FRRS1: variants seen among roughly 807,000 people sequenced by gnomAD.
FRRS1 encodes ferric reductase 1.
Under a neutral mutation model 70.7 loss-of-function variants are expected in FRRS1, and 51 were observed. The observed-to-expected ratio is 0.72, with a 90% CI of 0.58 to 0.91. The LOEUF (loss-of-function observed/expected upper bound fraction) is 0.91. Ranked by LOEUF, FRRS1 falls within the 40% of genes least tolerant of loss-of-function variation. The pLI is 0.00. For missense variants in FRRS1, 672 were observed against 726.0 expected, an observed-to-expected ratio of 0.93 and a Z score of 0.86; for synonymous variants, 225 against 238.7, an observed-to-expected ratio of 0.94 and a Z score of 0.53.
Position 99,748,590 on chromosome 1 carries a change from G to C in FRRS1, c.179C>G (p.Pro60Arg), listed in dbSNP as rs754329058. 14 of 1,613,516 alleles carry C rather than the reference G, an allele frequency of 8.7e-6. No individual in the cohort carries two copies. The African/African-American group carries it at 1.9e-4, about 22-fold the overall frequency. ...DIYVSQMTFR[P>R]GDQIEVTLSG... ...CACGGTACCTTCAATCTGATCTCCT[G>C]GCCTGAATGTCATCTGACTCACGTA... is the stretch of plus-strand genomic sequence containing the variant. Residue 60 changes from proline to arginine, a missense_variant, in exon 3 of 17, where the codon CCA becomes CGA. Coordinates refer to ENST00000646001, the MANE Select transcript of FRRS1 (RefSeq NM_001361041.2).
In FRRS1 at chr1:99,712,456, A is replaced by T. The variant is rs141949969; in HGVS notation, c.1383T>A (p.Pro461=). The T allele has an allele frequency of 1.9e-5, 31 of 1,613,382 alleles. No individual in the cohort carries two copies. Among genetic ancestry groups the T allele is most frequent in the Admixed American group, 3.3e-5 (2 of 59,912 alleles). Residue 461 remains proline, a synonymous_variant, in exon 13 of 17, where the codon CCT becomes CCA. Coordinates refer to ENST00000646001, the MANE Select transcript of FRRS1 (RefSeq NM_001361041.2). The part of the protein sequence containing the change: ...CIVMTLAVLQ[P]LLAVFRPPLH... ...AAGGTGGCCTGAAGACTGCCAGAAG[A>T]GGCTGAAGAACTGCCAAAGTCATCA...
Position 99,742,219 on chromosome 1 carries a change from A to T in FRRS1, c.388T>A (p.Trp130Arg). The T allele has an allele frequency of 6.2e-7, 1 of 1,612,204 alleles. No individual in the cohort carries two copies. The highest frequency in any genetic ancestry group is 8.5e-7 in the Non-Finnish European group (1 of 1,178,224). Residue 130 changes from tryptophan to arginine, a missense_variant, in exon 5 of 17, where the codon TGG becomes AGG. Coordinates refer to ENST00000646001, the MANE Select transcript of FRRS1 (RefSeq NM_001361041.2). ...TTTGGAGCACTGCTTGGAGCATTCC[A>T]GTAGACTTTAATTTCTGTTTTTTTA... ...ASKKTEIKVY[W>R]NAPSSAPNHT...
rs779832944 is a variant in FRRS1 at position 99,715,603 on chromosome 1, T to C, written c.1306A>G (p.Arg436Gly). The C allele has an allele frequency of 9.9e-6, 16 of 1,610,536 alleles. No homozygotes were observed. Among genetic ancestry groups the C allele is most frequent in the Non-Finnish European group, 1.4e-5 (16 of 1,176,804 alleles). ...ATACTTACCCTACTCCAGCCTCCCC[T>C]GTATATAAACGGCATAACAAAAGCA... is the stretch of plus-strand genomic sequence containing the variant. ...CIAFVMPFIY[R>G]GGWSRHAGYH... Residue 436 changes from arginine (R) to glycine (G), a missense_variant, in exon 12 of 17, where the codon AGG becomes GGG. Arg to Gly is a moderately radical substitution (Grantham distance 125). Coordinates refer to ENST00000646001, the MANE Select transcript of FRRS1 (RefSeq NM_001361041.2).
rs115494460 is a variant in FRRS1 at position 99,715,568 on chromosome 1, T to A, written c.1323+18A>T. The A allele has an allele frequency of 0.018, 26,696 of 1,443,672 alleles. 317 individuals carry two copies. Among genetic ancestry groups the A allele is most frequent in the Middle Eastern group, 0.024 (137 of 5,740 alleles). 89.4% of individuals were successfully genotyped at this position (1,443,672 alleles called of 1,614,324 possible). A position where few individuals can be genotyped will look rare whatever the true frequency, so the allele number is the denominator to read the frequency against. ...TAAAATGGATTTATAAAAAAAACCCTATTTAAGATATACTTACCCTACTCC... is the reference window on the plus strand; with the variant it reads ...TAAAATGGATTTATAAAAAAAACCCAATTTAAGATATACTTACCCTACTCC... On this transcript the variant is annotated intron_variant, in intron 12 of 16. Transcript: ENST00000646001.
At position 99,714,950 on chromosome 1, in the gene FRRS1, A is replaced by C. The variant is rs529719221; in HGVS notation, c.1323+636T>G. On this transcript the variant is annotated intron_variant, in intron 12 of 16. Transcript: ENST00000646001. ...TCTGGACTGGAGATAAAGATTTGGG[A>C]ATAAGCATCAGTTTCTTCATTTGTG... 1.3e-5 allele frequency among the ~76,000 whole-genome samples: 2 copies of C among 152,194 alleles called. 1 individual carries two copies. Among genetic ancestry groups the C allele is most frequent in the Non-Finnish European group, 2.9e-5 (2 of 68,046 alleles).
intron 4 of FRRS1, among the ~76,000 whole-genome samples, chr1:99,743,305 A>G (rs912918230): frequency 6.6e-6 from 1 of 152,208 alleles, no homozygotes; most frequent in Non-Finnish European, 1.5e-5. Flanking sequence ...ACAGAGAGCA[A>G]TTTCAAACTA....
chr1:99,715,699 A>T (rs766920499), intron 11 of FRRS1, 27 bp from the exon 12 acceptor site: 7 of 1,515,274 alleles, frequency 4.6e-6, no homozygotes, highest in Non-Finnish European at 6.4e-6. Context: ...CAAATTAAGA[A>T]GACACTTATC....
chr1:99,722,076 C>T (rs1654862188), intron 9 of FRRS1, among the ~76,000 whole-genome samples: 1 of 151,910 alleles, frequency 6.6e-6, no homozygotes, highest in South Asian at 2.1e-4. Flanking sequence ...GTGGTGTAAT[C>T]ATAACTCATT....
intron 10 of FRRS1, 111 bp from the exon 11 acceptor site, chr1:99,717,636 C>T: frequency 1.4e-6 from 1 of 715,258 alleles, no homozygotes; most frequent in Non-Finnish European, 2.5e-6. Flanking sequence ...ATACATTCAG[C>T]TGACATAAGT....
intron 1 of FRRS1, among the ~76,000 whole-genome samples, chr1:99,755,159 C>A (rs1490365835): frequency 6.6e-6 from 1 of 151,986 alleles, no homozygotes; most frequent in Non-Finnish European, 1.5e-5. Flanking sequence ...GTAGTTCACA[C>A]CTATAATCCC....
At chr1:99,745,423 C>A (rs999222545) in intron 4 of FRRS1, among the ~76,000 whole-genome samples, 15 of 152,114 alleles carry the variant, frequency 9.9e-5, no homozygotes, top group African/African-American at 3.1e-4. Context: ...GTGGGTCATG[C>A]ATGTAATCCC....
chr1:99,721,536 C>T (rs181962528), intron 9 of FRRS1, among the ~76,000 whole-genome samples: 109 of 151,722 alleles, frequency 7.2e-4, no homozygotes, highest in African/African-American at 2.5e-3. Flanking sequence ...GGGAGAAATA[C>T]AGAATTACAA....
rs537095679 is a variant in FRRS1, at chr1:99,719,832, C to A, written c.1007-185G>T. Among the ~76,000 whole-genome samples, 3 of 151,944 alleles carry A rather than the reference C, an allele frequency of 2.0e-5. No individual in the cohort carries two copies. The East Asian group carries it at 5.8e-4, about 29-fold the overall frequency. On this transcript the variant is annotated intron_variant, in intron 9 of 16. Coordinates refer to ENST00000646001, the MANE Select transcript of FRRS1 (RefSeq NM_001361041.2). ...AAGATATATGCAAGGGCACAGACTTCCTGAAAAAAGTTAAAGAATGTAGCC... is the reference window on the plus strand; with the variant it reads ...AAGATATATGCAAGGGCACAGACTTACTGAAAAAAGTTAAAGAATGTAGCC...
intron 9 of FRRS1, among the ~76,000 whole-genome samples, chr1:99,727,873 A>G (rs1485720245): frequency 6.6e-6 from 1 of 152,258 alleles, no homozygotes; most frequent in East Asian, 1.9e-4. Flanking sequence ...TTGAGAATAA[A>G]GATTCAGACT....
intron 14 of FRRS1, 25 bp downstream of exon 14, chr1:99,712,076 TATGA>T: frequency 1.3e-6 from 2 of 1,485,384 alleles, no homozygotes; most frequent in Non-Finnish European, 1.9e-6. Context: ...AGCAATTATA[TATGA>T]ATAAGTGGCA....
intron 1 of FRRS1, among the ~76,000 whole-genome samples, chr1:99,758,715 T>C (rs1022660977): frequency 5.9e-5 from 9 of 151,758 alleles, no homozygotes; most frequent in South Asian, 2.1e-4. Context: ...GCCTGCGGGG[T>C]TGGGCAAAAA....
chr1:99,716,451 A>G (rs1029065218), intron 11 of FRRS1, among the ~76,000 whole-genome samples: 4 of 152,234 alleles, frequency 2.6e-5, no homozygotes, highest in African/African-American at 9.6e-5. Flanking sequence ...GATGAGAGAG[A>G]GAGAGCACAA....
Position 99,712,508 on chromosome 1 carries a change from C to G in FRRS1, c.1331G>C (p.Gly444Ala). The change falls in exon 13 of 17, where the codon GGT (glycine) becomes GCT (alanine). Residue 444 changes from glycine to alanine, a missense_variant. Coordinates refer to ENST00000646001, the MANE Select transcript of FRRS1 (RefSeq NM_001361041.2). The part of the protein sequence containing the change: ...IYRGGWSRHA[G>A]YHPYLGCIVM... ...TATACAGCCGAGGTATGGGTGGTAA[C>G]CTGCATGCTAAACAAAGTTACATCA... 1.9e-6 allele frequency: 3 copies of G among 1,593,436 alleles called. No individual in the cohort carries two copies. The highest frequency in any genetic ancestry group is 2.6e-6 in the Non-Finnish European group (3 of 1,171,016).
intron 6 of FRRS1, among the ~76,000 whole-genome samples, chr1:99,739,213 G>A (rs1290132523): frequency 6.6e-6 from 1 of 152,138 alleles, no homozygotes; most frequent in Non-Finnish European, 1.5e-5. Context: ...AGACCCTGAG[G>A]TATCTTCGAG....
Sources: allele counts gnomAD v4.1 joint callset (sites outside exome capture counted in the v4.1 genomes callset), GRCh38; gene constraint gnomAD v4.1.1; transcripts MANE v1.5; gene names NCBI Gene and HGNC (gene_info 2026-07-23, HGNC 2026-07-21).